The following NCALD variants were observed in gnomAD, a reference collection of about 807,000 sequenced individuals.
The protein encoded by NCALD is neurocalcin-delta.
In NCALD, 10 loss-of-function variants were observed where a neutral mutation model predicts 18.6. That is an observed-to-expected ratio of 0.54 (90% CI 0.33 to 0.91). The LOEUF is 0.91. Among genes scored for constraint, NCALD ranks in the 40% least tolerant of loss-of-function variants. NCALD has a pLI of 0.03. For synonymous variants in NCALD, 88 were observed against 87.4 expected, an observed-to-expected ratio of 1.01 and a Z score of -0.04; for missense variants, 184 against 247.6, an observed-to-expected ratio of 0.74 and a Z score of 1.72.
chr8:101,734,506 C>T (rs1050987162), intron 1 of NCALD, among the ~76,000 whole-genome samples: 2 of 152,242 alleles, frequency 1.3e-5, no homozygotes, highest in East Asian at 3.8e-4. Flanking sequence ...CCATTCCTGA[C>T]AGATGCTTAA....
rs576004989 is a variant in NCALD, at chr8:102,093,606, T to C, written c.-210+30631A>G. ...GCCTCTTTCTTCTTTTCTCCATCTT[T>C]CTACCTGGGACATTGGCTTGAGCTC... is the stretch of plus-strand genomic sequence containing the variant. On this transcript the variant is annotated intron_variant, in intron 1 of 6. Transcript: ENST00000311028. Among the ~76,000 whole-genome samples the C allele has an allele frequency of 3.3e-5, 5 of 152,340 alleles. No homozygotes were observed. In the South Asian group the frequency reaches 1.0e-3, roughly 32 times the overall value.
intron 1 of NCALD, among the ~76,000 whole-genome samples, chr8:102,039,941 T>G (rs1373423948): frequency 2.0e-5 from 3 of 152,158 alleles, no homozygotes; most frequent in African/African-American, 7.2e-5. Context: ...CTAAACAGCC[T>G]GAGACTCTCA....
At chr8:101,702,872 C>A (rs1339977362) in intron 2 of NCALD, among the ~76,000 whole-genome samples, 1 of 152,212 alleles carries the variant, frequency 6.6e-6, no homozygotes, top group Non-Finnish European at 1.5e-5. Flanking sequence ...TCAGAGAGAT[C>A]CCATCATCAA....
chr8:101,868,108 C>T (rs919302173), intron 4 of NCALD, among the ~76,000 whole-genome samples: 1 of 152,248 alleles, frequency 6.6e-6, no homozygotes, highest in Middle Eastern at 3.4e-3. Context: ...TCCATTTGAC[C>T]ACAGCCCACC....
At chr8:101,870,753 C>T (rs926684073) in intron 4 of NCALD, among the ~76,000 whole-genome samples, 12 of 151,988 alleles carry the variant, frequency 7.9e-5, no homozygotes, top group African/African-American at 2.7e-4. Flanking sequence ...CAAAGATCTG[C>T]AGAAATAGGA....
At chr8:102,057,439 G>A (rs1823693702) in intron 1 of NCALD, among the ~76,000 whole-genome samples, 2 of 152,182 alleles carry the variant, frequency 1.3e-5, no homozygotes, top group South Asian at 2.1e-4. Flanking sequence ...AAGAAGGTTT[G>A]TAATACACAA....
At chr8:101,795,216 T>G (rs1187965944), upstream of NCALD, among the ~76,000 whole-genome samples, 1 of 152,186 alleles carries the variant, frequency 6.6e-6, no homozygotes, top group Admixed American at 6.5e-5. Flanking sequence ...GCTAGCTAGA[T>G]ATATATTTTT....
intron 4 of NCALD, among the ~76,000 whole-genome samples, chr8:101,885,963 A>C (rs1259855865): frequency 3.3e-5 from 5 of 152,204 alleles, no homozygotes; most frequent in Admixed American, 2.0e-4. Context: ...CAACCAAATT[A>C]TCTCAAGAAG....
chr8:101,854,164 G>A (rs777173251), intron 4 of NCALD, among the ~76,000 whole-genome samples: 7 of 152,126 alleles, frequency 4.6e-5, no homozygotes, highest in South Asian at 2.1e-4. Flanking sequence ...TTATGCCAAC[G>A]AGGTCTCTCT....
At chr8:101,723,294 C>T (rs892660067) in intron 1 of NCALD, among the ~76,000 whole-genome samples, 4 of 151,902 alleles carry the variant, frequency 2.6e-5, no homozygotes, top group Admixed American at 1.3e-4. Context: ...ATTATTTCAC[C>T]GTCGCCATTT....
At chr8:102,038,794 T>TG (rs1174975153) in intron 1 of NCALD, among the ~76,000 whole-genome samples, 1 of 151,950 alleles carries the variant, frequency 6.6e-6, no homozygotes, top group Non-Finnish European at 1.5e-5. Flanking sequence ...TGAGTGTGGG[T>TG]GGAATCTGTA....
At chr8:101,991,412 A>G (rs942399866) in intron 2 of NCALD, among the ~76,000 whole-genome samples, 2 of 152,206 alleles carry the variant, frequency 1.3e-5, no homozygotes, top group African/African-American at 4.8e-5. Context: ...TAATCTCACT[A>G]TCACAGAGAC....
At chr8:102,072,428 T>C (rs969491295) in intron 1 of NCALD, among the ~76,000 whole-genome samples, 2 of 152,094 alleles carry the variant, frequency 1.3e-5, no homozygotes, top group African/African-American at 4.8e-5. Context: ...ATATCAGGTT[T>C]AACCACATGA....
intron 2 of NCALD, among the ~76,000 whole-genome samples, chr8:101,973,893 C>G (rs1820330279): frequency 6.6e-6 from 1 of 152,186 alleles, no homozygotes; most frequent in Admixed American, 6.5e-5. Flanking sequence ...ACGCACTGTA[C>G]CAGGTGCTGA....
chr8:101,757,639 T>C (rs937147268), intron 1 of NCALD, among the ~76,000 whole-genome samples: 3 of 152,226 alleles, frequency 2.0e-5, no homozygotes, highest in Non-Finnish European at 4.4e-5. Flanking sequence ...TTGGCCTTCT[T>C]CATCACCCCA....
chr8:101,891,891 A>T (rs1816909246), intron 3 of NCALD, among the ~76,000 whole-genome samples: 1 of 152,148 alleles, frequency 6.6e-6, no homozygotes, highest in Non-Finnish European at 1.5e-5. Flanking sequence ...GATTCCTACC[A>T]CAGCAGTCTG....
At chr8:101,744,744 C>T (rs1163641553) in intron 1 of NCALD, among the ~76,000 whole-genome samples, 3 of 151,922 alleles carry the variant, frequency 2.0e-5, no homozygotes, top group Non-Finnish European at 4.4e-5. Context: ...GCTGCTTGGC[C>T]CTTTATACTT....
intron 4 of NCALD, among the ~76,000 whole-genome samples, chr8:101,862,488 C>T (rs1815585362): frequency 6.6e-6 from 1 of 152,182 alleles, no homozygotes; most frequent in Non-Finnish European, 1.5e-5. Context: ...AAATGTTTAG[C>T]ATGTGCTTCA....
chr8:101,878,241 CTGT>C (rs1433679072), intron 4 of NCALD, among the ~76,000 whole-genome samples: 1 of 152,216 alleles, frequency 6.6e-6, no homozygotes, highest in African/African-American at 2.4e-5. Flanking sequence ...AAAGTGAGAG[CTGT>C]TATGTTCAAA....
Sources: allele counts gnomAD v4.1 joint callset (sites outside exome capture counted in the v4.1 genomes callset), GRCh38; gene constraint gnomAD v4.1.1; transcripts MANE v1.5; gene names NCBI Gene and HGNC (gene_info 2026-07-23, HGNC 2026-07-21).